Variants in CCDC6 observed in about 807,000 individuals in gnomAD.
CCDC6 encodes the protein coiled-coil domain containing 6.
In CCDC6, 20 loss-of-function variants were observed where a neutral mutation model predicts 56.6. That is an observed-to-expected ratio of 0.35 (90% CI 0.25 to 0.51). The LOEUF (loss-of-function observed/expected upper bound fraction) is 0.51, where lower values mean the gene tolerates loss of function less well. Among genes scored for constraint, CCDC6 ranks in the 20% least tolerant of loss-of-function variants. The pLI, the probability that CCDC6 is intolerant of heterozygous loss-of-function variation, is 0.95. For synonymous variants in CCDC6, 241 were observed against 234.4 expected (o/e 1.03, Z -0.26); for missense variants, 367 against 601.1 (o/e 0.61, Z 4.07).
At chr10:59,815,830 G>C (rs1207897863) in intron 3 of CCDC6, among the ~76,000 whole-genome samples, 1 of 152,076 alleles carries the variant, frequency 6.6e-6, no homozygotes, top group Non-Finnish European at 1.5e-5. Flanking sequence ...TTCCTTAGTG[G>C]GTCACAGAGG....
At chr10:59,814,599 AACACACAC>A (rs111613433) in intron 4 of CCDC6, 45 bp downstream of exon 4, 13 of 927,752 alleles carry the variant, frequency 1.4e-5, no homozygotes, top group South Asian at 7.0e-5. Flanking sequence ...CCAGAGCAGC[AACACACAC>A]ACACACACAC....
intron 3 of CCDC6, among the ~76,000 whole-genome samples, chr10:59,821,573 T>C (rs1459860425): frequency 2.6e-5 from 4 of 152,210 alleles, no homozygotes; most frequent in Admixed American, 6.5e-5. Flanking sequence ...ATTTGATTAA[T>C]CAAGCTGTGA....
chr10:59,858,236 A>G (rs1165041970), intron 1 of CCDC6, among the ~76,000 whole-genome samples: 4 of 152,162 alleles, frequency 2.6e-5, no homozygotes, highest in African/African-American at 9.7e-5. Flanking sequence ...GAGAATTACA[A>G]TTCTCCATTT....
chr10:59,899,440 G>C (rs936987675), intron 1 of CCDC6, among the ~76,000 whole-genome samples: 16 of 152,176 alleles, frequency 1.1e-4, no homozygotes, highest in South Asian at 4.1e-4. Context: ...ATTTCGGCAA[G>C]GCATGATTTA....
intron 1 of CCDC6, among the ~76,000 whole-genome samples, chr10:59,866,505 A>G (rs1168915645): frequency 6.6e-6 from 1 of 152,246 alleles, no homozygotes; most frequent in East Asian, 1.9e-4. Context: ...ATAACACTGG[A>G]CAATCATCCT....
intron 1 of CCDC6, among the ~76,000 whole-genome samples, chr10:59,883,620 T>G (rs1049516912): frequency 1.3e-5 from 2 of 152,246 alleles, no homozygotes; most frequent in African/African-American, 4.8e-5. Flanking sequence ...TTACTCAAAA[T>G]TATAAATCCT....
intron 1 of CCDC6, among the ~76,000 whole-genome samples, chr10:59,859,217 T>C (rs1185841214): frequency 6.8e-6 from 1 of 146,756 alleles, no homozygotes; most frequent in African/African-American, 2.5e-5. Flanking sequence ...TGTGTGTGTG[T>C]GTGTGTGTGT....
chr10:59,812,864 C>A, intron 4 of CCDC6, 69 bp from the exon 5 acceptor site: 1 of 1,188,300 alleles, frequency 8.4e-7, no homozygotes, highest in Non-Finnish European at 1.2e-6. Context: ...AACATACTAG[C>A]TGGCAGGTTT....
intron 5 of CCDC6, among the ~76,000 whole-genome samples, chr10:59,810,247 GAA>G (rs1360351105): frequency 6.6e-6 from 1 of 152,200 alleles, no homozygotes; most frequent in African/African-American, 2.4e-5. Context: ...AATGGATGAT[GAA>G]AAGTCACTAA....
intron 7 of CCDC6, among the ~76,000 whole-genome samples, chr10:59,802,581 T>C (rs555406581): frequency 1.3e-5 from 2 of 152,274 alleles, no homozygotes; most frequent in East Asian, 3.9e-4. Flanking sequence ...TAAAACAGGA[T>C]AAAAATATTC....
intron 3 of CCDC6, 93 bp from the exon 4 acceptor site, chr10:59,814,848 G>A (rs901395008): frequency 2.5e-6 from 2 of 785,146 alleles, no homozygotes; most frequent in African/African-American, 1.7e-5. Flanking sequence ...CCTTTTCTTG[G>A]AGAATACTGC....
At position 59,867,218 on chromosome 10, in the gene CCDC6, C is replaced by T. The variant is rs181327707; in HGVS notation, c.304-14516G>A. ...ACCTGGAGGTTCACATCTTGTAGAC[C>T]AAAAATAAAATTCTAAGCCTCCCCC... On this transcript the variant is annotated intron_variant, in intron 1 of 8. Coordinates refer to ENST00000263102, the MANE Select transcript of CCDC6 (RefSeq NM_005436.5). 1.2e-3 allele frequency among the ~76,000 whole-genome samples: 176 copies of T among 152,114 alleles called. 1 individual carries two copies. The highest frequency in any genetic ancestry group is 5.9e-4 in the Non-Finnish European group (40 of 67,968).
intron 2 of CCDC6, among the ~76,000 whole-genome samples, chr10:59,850,468 G>A (rs761167040): frequency 3.3e-5 from 5 of 152,142 alleles, no homozygotes; most frequent in Non-Finnish European, 5.9e-5. Flanking sequence ...TCACCAACAA[G>A]CTACAGACCC....
At chr10:59,840,274 G>A (rs2070926306) in intron 2 of CCDC6, among the ~76,000 whole-genome samples, 1 of 152,142 alleles carries the variant, frequency 6.6e-6, no homozygotes, top group African/African-American at 2.4e-5. Context: ...CTACCAAATT[G>A]TTTTCAAATG....
At chr10:59,842,788 C>G (rs1203134435) in intron 2 of CCDC6, among the ~76,000 whole-genome samples, 3 of 129,200 alleles carry the variant, frequency 2.3e-5, no homozygotes, top group African/African-American at 9.0e-5. Flanking sequence ...GAGTTTTGCT[C>G]TGTCACCCAG....
At chr10:59,840,427 C>A (rs986760720) in intron 2 of CCDC6, among the ~76,000 whole-genome samples, 1 of 152,188 alleles carries the variant, frequency 6.6e-6, no homozygotes, top group African/African-American at 2.4e-5. Context: ...CATATCTCTT[C>A]TCCCATTCTG....
At chr10:59,857,943 G>A (rs1474672165) in intron 1 of CCDC6, among the ~76,000 whole-genome samples, 2 of 152,164 alleles carry the variant, frequency 1.3e-5, no homozygotes, top group Non-Finnish European at 2.9e-5. Flanking sequence ...TGTTTAAACT[G>A]TCCTTTCCTA....
intron 1 of CCDC6, among the ~76,000 whole-genome samples, chr10:59,876,101 T>C (rs79816131): frequency 0.054 from 5,406 of 100,348 alleles, 179 homozygotes; most frequent in African/African-American, 0.093. Context: ...TCAGATCGAG[T>C]CTCGTTCTAT....
chr10:59,844,842 G>A (rs10994047), intron 2 of CCDC6, among the ~76,000 whole-genome samples: 2,149 of 151,938 alleles, frequency 0.014, 40 homozygotes, highest in East Asian at 0.033. Context: ...TTTCTCCTGA[G>A]GAAGAAAGAG....
Sources: gnomAD v4.1 joint callset for allele counts (sites outside exome capture counted in the v4.1 genomes callset) on GRCh38, gnomAD v4.1.1 for gene constraint, MANE v1.5 for transcripts, NCBI Gene and HGNC (gene_info 2026-07-23, HGNC 2026-07-21) for gene names.